MARCHF3: variants seen among roughly 807,000 people sequenced by gnomAD.
The protein encoded by MARCHF3 is E3 ubiquitin-protein ligase MARCHF3.
Under a neutral mutation model 24.2 loss-of-function variants are expected in MARCHF3, and 13 were observed. The ratio of observed to expected loss-of-function variants is 0.54; its 90% CI spans 0.35 to 0.85. The LOEUF is 0.85. Among genes scored for constraint, MARCHF3 ranks in the 40% least tolerant of loss-of-function variants. The probability of loss-of-function intolerance (pLI) is 0.01; values close to 1 mark genes in which losing one functional copy is unlikely to be tolerated. For missense variants in MARCHF3, 276 were observed against 325.0 expected (o/e 0.85, Z 1.16); for synonymous variants, 144 against 137.3 (o/e 1.05, Z -0.34).
In MARCHF3 at chr5:126,953,448, C is replaced by CA. The variant is rs1159884107; in HGVS notation, c.-56-35222dup. On this transcript the variant is annotated intron_variant, in intron 1 of 4. Transcript: ENST00000308660. ...GTTTTCTTTGTTAGAGAACATTCTC[C>CA]AAAAAAAAAATCACAATCTTTGATT... Among the ~76,000 whole-genome samples the CA allele has an allele frequency of 2.1e-3, 306 of 147,970 alleles. 1 individual carries two copies. The highest frequency in any genetic ancestry group is 5.7e-3 in the African/African-American group (232 of 40,494).
chr5:126,938,055 T>C (rs774667872), intron 1 of MARCHF3, among the ~76,000 whole-genome samples: 1 of 152,108 alleles, frequency 6.6e-6, no homozygotes. Context: ...TTACAATACA[T>C]AGTTGCAGCA....
chr5:126,888,788 G>A (rs1361565760), intron 3 of MARCHF3, among the ~76,000 whole-genome samples: 11 of 151,994 alleles, frequency 7.2e-5, no homozygotes. Flanking sequence ...TTTTTGAGAT[G>A]GAGTCTCGCT....
chr5:126,929,971 T>A (rs1006155289), intron 1 of MARCHF3, among the ~76,000 whole-genome samples: 2 of 152,202 alleles, frequency 1.3e-5, no homozygotes, highest in African/African-American at 4.8e-5. Context: ...TCCCCAGCCA[T>A]GTGGAACTAT....
At chr5:127,028,783 A>C (rs375479045) in intron 1 of MARCHF3, among the ~76,000 whole-genome samples, 4 of 151,990 alleles carry the variant, frequency 2.6e-5, no homozygotes, top group African/African-American at 9.7e-5. Flanking sequence ...GCAGTTTGCC[A>C]TTTCTAGAGA....
chr5:126,963,134 A>G (rs1264292424), intron 1 of MARCHF3, among the ~76,000 whole-genome samples: 2 of 152,130 alleles, frequency 1.3e-5, no homozygotes, highest in African/African-American at 2.4e-5. Flanking sequence ...CTGAGTAGCC[A>G]CTCAATAGAG....
At chr5:127,013,829 T>C (rs1752547144) in intron 1 of MARCHF3, among the ~76,000 whole-genome samples, 1 of 152,074 alleles carries the variant, frequency 6.6e-6, no homozygotes, top group Non-Finnish European at 1.5e-5. Context: ...TAAATGGTGC[T>C]AAAAGCAATG....
intron 1 of MARCHF3, among the ~76,000 whole-genome samples, chr5:126,984,809 A>G (rs980969058): frequency 6.6e-6 from 1 of 152,188 alleles, no homozygotes; most frequent in Non-Finnish European, 1.5e-5. Flanking sequence ...GGATTATTTA[A>G]TCCTTTAAAC....
intron 1 of MARCHF3, among the ~76,000 whole-genome samples, chr5:126,997,787 AT>A (rs1751997912): frequency 6.6e-6 from 1 of 152,194 alleles, no homozygotes; most frequent in Non-Finnish European, 1.5e-5. Context: ...CTCATTGCCC[AT>A]TTGGTACACC....
chr5:126,959,997 T>C (rs1750587466), intron 1 of MARCHF3, among the ~76,000 whole-genome samples: 1 of 152,140 alleles, frequency 6.6e-6, no homozygotes, highest in Non-Finnish European at 1.5e-5. Context: ...TGGGCATAAA[T>C]TGCAGCAGGA....
chr5:126,954,988 T>G (rs1017865650), intron 1 of MARCHF3, among the ~76,000 whole-genome samples: 64 of 152,336 alleles, frequency 4.2e-4, no homozygotes, highest in African/African-American at 1.5e-3. Context: ...ATAAACAGCA[T>G]ATAGTATCAT....
At chr5:126,921,637 G>A (rs1749111454) in intron 1 of MARCHF3, among the ~76,000 whole-genome samples, 1 of 152,348 alleles carries the variant, frequency 6.6e-6, no homozygotes, top group African/African-American at 2.4e-5. Flanking sequence ...CTATCTGACT[G>A]CTTTCTTATC....
intron 1 of MARCHF3, among the ~76,000 whole-genome samples, chr5:127,011,234 G>C (rs887859504): frequency 6.6e-6 from 1 of 152,054 alleles, no homozygotes; most frequent in Non-Finnish European, 1.5e-5. Context: ...CTATCCACTC[G>C]GTACACTGAA....
chr5:126,942,799 T>C (rs1169770048), intron 1 of MARCHF3, among the ~76,000 whole-genome samples: 2 of 152,198 alleles, frequency 1.3e-5, no homozygotes, highest in Non-Finnish European at 2.9e-5. Flanking sequence ...ACATGTGTTT[T>C]GAAACTTTCT....
intron 3 of MARCHF3, 27 bp from the exon 4 acceptor site, chr5:126,878,421 A>C: frequency 6.3e-7 from 1 of 1,589,972 alleles, no homozygotes; most frequent in Non-Finnish European, 8.6e-7. Flanking sequence ...GACAGAGAAG[A>C]GCAAGGGAGA....
intron 3 of MARCHF3, among the ~76,000 whole-genome samples, chr5:126,907,722 G>A (rs1311054048): frequency 1.5e-4 from 22 of 145,932 alleles, no homozygotes; most frequent in Middle Eastern, 7.0e-3. Flanking sequence ...GTCTCTGCAC[G>A]TGAGATGGGT....
At chr5:126,968,535 T>C (rs1455574065) in intron 1 of MARCHF3, among the ~76,000 whole-genome samples, 2 of 152,198 alleles carry the variant, frequency 1.3e-5, no homozygotes, top group Non-Finnish European at 2.9e-5. Flanking sequence ...TATACCTTCT[T>C]TGGAGAAATG....
At chr5:127,022,505 C>T (rs1444499826) in intron 1 of MARCHF3, among the ~76,000 whole-genome samples, 1 of 152,148 alleles carries the variant, frequency 6.6e-6, no homozygotes, top group African/African-American at 2.4e-5. Flanking sequence ...GTAAGAGGAA[C>T]AAGATTTAAT....
chr5:127,008,824 T>C (rs558740338), intron 1 of MARCHF3, among the ~76,000 whole-genome samples: 109 of 151,180 alleles, frequency 7.2e-4, no homozygotes, highest in Middle Eastern at 3.4e-3. Context: ...CCGAACCCTA[T>C]TTTAAGAGTC....
intron 3 of MARCHF3, among the ~76,000 whole-genome samples, chr5:126,905,769 A>G (rs1042455322): frequency 1.3e-5 from 2 of 151,916 alleles, no homozygotes; most frequent in Non-Finnish European, 2.9e-5. Context: ...AAACAGGGAC[A>G]ATTTGACTTC....
Sources: gnomAD v4.1 joint callset for allele counts (sites outside exome capture counted in the v4.1 genomes callset) on GRCh38, gnomAD v4.1.1 for gene constraint, MANE v1.5 for transcripts, NCBI Gene and HGNC (gene_info 2026-07-23, HGNC 2026-07-21) for gene names.